Variants in MALRD1 observed in about 807,000 individuals in gnomAD.
MALRD1 encodes MAM and LDL-receptor class A domain-containing protein 1.
A neutral mutation model predicts 242.1 loss-of-function variants in MALRD1; 247 were observed. The observed-to-expected ratio is 1.02, with a 90% CI of 0.92 to 1.13. The LOEUF (loss-of-function observed/expected upper bound fraction) is 1.13, where lower values mean the gene tolerates loss of function less well. Among genes scored for constraint, MALRD1 ranks in the 50% most tolerant of loss-of-function variants. The probability of loss-of-function intolerance (pLI) is 0.00; values close to 1 mark genes in which losing one functional copy is unlikely to be tolerated. For missense variants in MALRD1, 2,989 were observed against 2,533.1 expected (o/e 1.18, Z -3.86); for synonymous variants, 995 against 866.6 (o/e 1.15, Z -2.60).
Position 19,429,504 on chromosome 10 carries a change from C to T in MALRD1, c.4846-20803C>T, listed in dbSNP as rs12250343. Among the ~76,000 whole-genome samples, 856 of 152,154 alleles carry T rather than the reference C, an allele frequency of 5.6e-3. 6 individuals are homozygous for T. The highest frequency in any genetic ancestry group is 0.018 in the African/African-American group (758 of 41,504). Reference sequence around the variant, plus strand: ...ACGTGAACCCGGGAGGTGGAGGTTGCGGTGAGCCGAGGCCATGCCATTGTA... The same window carrying T: ...ACGTGAACCCGGGAGGTGGAGGTTGTGGTGAGCCGAGGCCATGCCATTGTA... On this transcript the variant is annotated intron_variant, in intron 28 of 39. Coordinates refer to ENST00000454679, the MANE Select transcript of MALRD1 (RefSeq NM_001142308.3).
At chr10:19,507,781 T>C (rs949783907) in intron 31 of MALRD1, among the ~76,000 whole-genome samples, 1 of 152,208 alleles carries the variant, frequency 6.6e-6, no homozygotes, top group Admixed American at 6.5e-5. Flanking sequence ...GATGCTTCAA[T>C]CACCACATTG....
chr10:19,286,758 C>G (rs2496066), intron 21 of MALRD1, among the ~76,000 whole-genome samples: 42 of 150,176 alleles, frequency 2.8e-4, no homozygotes, highest in Non-Finnish European at 5.5e-4. Context: ...GGAACTGGTA[C>G]CATTCCTTCT....
chr10:19,054,573 C>T (rs994000278), intron 1 of MALRD1, among the ~76,000 whole-genome samples: 8 of 152,274 alleles, frequency 5.3e-5, no homozygotes, highest in Middle Eastern at 3.4e-3. Flanking sequence ...CGCCTATACC[C>T]CAGTGTCTGG....
At chr10:19,643,170 G>A (rs1164143741) in intron 36 of MALRD1, among the ~76,000 whole-genome samples, 3 of 152,052 alleles carry the variant, frequency 2.0e-5, no homozygotes, top group East Asian at 1.9e-4. Context: ...GGTGGCTCAC[G>A]CCTGTAATCC....
chr10:19,238,456 A>AATGTATATT, intron 18 of MALRD1, among the ~76,000 whole-genome samples: 502 of 42,452 alleles, frequency 0.012, 44 homozygotes, highest in Non-Finnish European at 0.014. Flanking sequence ...CATTATATAT[A>AATGTATATT]ATATATAATA....
chr10:19,391,302 C>G (rs1166776340), intron 28 of MALRD1, among the ~76,000 whole-genome samples: 3 of 152,080 alleles, frequency 2.0e-5, no homozygotes, highest in Non-Finnish European at 4.4e-5. Flanking sequence ...GAAGAAATCT[C>G]TCATAATATA....
intron 29 of MALRD1, among the ~76,000 whole-genome samples, chr10:19,453,602 C>A (rs1183974079): frequency 6.6e-6 from 1 of 152,104 alleles, no homozygotes; most frequent in East Asian, 1.9e-4. Context: ...TTAGGCCGGG[C>A]ACTGTGGCTC....
At chr10:19,316,476 C>CT (rs1291552469) in intron 21 of MALRD1, among the ~76,000 whole-genome samples, 1 of 151,782 alleles carries the variant, frequency 6.6e-6, no homozygotes, top group Admixed American at 6.6e-5. Flanking sequence ...ACAGAATGTT[C>CT]TTTTTTTCAT....
At chr10:19,275,195 A>C (rs1840450481) in intron 19 of MALRD1, among the ~76,000 whole-genome samples, 1 of 152,142 alleles carries the variant, frequency 6.6e-6, no homozygotes, top group Non-Finnish European at 1.5e-5. Context: ...TAATTTTCTT[A>C]ATTTATATGA....
intron 28 of MALRD1, among the ~76,000 whole-genome samples, chr10:19,437,500 TTTATTA>T (rs1259711574): frequency 4.6e-5 from 7 of 151,984 alleles, no homozygotes; most frequent in Non-Finnish European, 1.0e-4. Context: ...GAAATTGTCT[TTTATTA>T]TTATTATTAT....
intron 28 of MALRD1, among the ~76,000 whole-genome samples, chr10:19,447,965 G>T (rs1024790062): frequency 7.2e-5 from 11 of 152,060 alleles, no homozygotes; most frequent in African/African-American, 2.2e-4. Context: ...GGATGTTAAT[G>T]ATCTATCTAT....
intron 31 of MALRD1, among the ~76,000 whole-genome samples, chr10:19,502,133 G>A (rs763106090): frequency 1.3e-5 from 2 of 152,122 alleles, no homozygotes; most frequent in South Asian, 2.1e-4. Context: ...TGTGAAAAGC[G>A]TGGTGAATAT....
At chr10:19,393,763 G>T (rs1039615555) in intron 28 of MALRD1, among the ~76,000 whole-genome samples, 1 of 149,716 alleles carries the variant, frequency 6.7e-6, no homozygotes, top group African/African-American at 2.4e-5. Flanking sequence ...CCCTGATGGG[G>T]TTAATTAATG....
At chr10:19,315,626 T>G (rs1253308187) in intron 21 of MALRD1, among the ~76,000 whole-genome samples, 1 of 120,994 alleles carries the variant, frequency 8.3e-6, no homozygotes, top group Non-Finnish European at 1.6e-5. Flanking sequence ...ATATAAATTA[T>G]AAATATTATT....
At chr10:19,176,720 A>C (rs1352832736) in intron 14 of MALRD1, among the ~76,000 whole-genome samples, 1 of 151,986 alleles carries the variant, frequency 6.6e-6, no homozygotes, top group African/African-American at 2.4e-5. Context: ...CTTTATTCAG[A>C]ATGTGTATCC....
rs187044352 is a variant in MALRD1 at position 19,383,199 on chromosome 10, C to T, written c.4442-4329C>T. On this transcript the variant is annotated intron_variant, in intron 26 of 39. Coordinates refer to ENST00000454679, the MANE Select transcript of MALRD1 (RefSeq NM_001142308.3). ...AGGTAGCTTTTTGATCTGCAGTCCT[C>T]TCCCATCCTCCACCCTCAAGTAAGC... Among the ~76,000 whole-genome samples the T allele has an allele frequency of 2.1e-3, 316 of 152,220 alleles. 2 individuals are homozygous for T. The South Asian group carries it at 0.026, about 12-fold the overall frequency.
intron 2 of MALRD1, among the ~76,000 whole-genome samples, chr10:19,086,933 C>G (rs1361055640): frequency 1.3e-5 from 2 of 152,016 alleles, no homozygotes; most frequent in Non-Finnish European, 2.9e-5. Context: ...GCATACCCCC[C>G]AAGTCTGCTT....
chr10:19,290,654 A>G (rs1301143421), intron 21 of MALRD1, among the ~76,000 whole-genome samples: 1 of 152,192 alleles, frequency 6.6e-6, no homozygotes, highest in Non-Finnish European at 1.5e-5. Flanking sequence ...ATCTAGTATT[A>G]AATAAAATGA....
chr10:19,629,451 G>A (rs1445261718), intron 36 of MALRD1, among the ~76,000 whole-genome samples: 1 of 152,100 alleles, frequency 6.6e-6, no homozygotes, highest in African/African-American at 2.4e-5. Context: ...GAGAGAACAA[G>A]AAATAGCTGT....
Sources: gnomAD v4.1 joint callset for allele counts (sites outside exome capture counted in the v4.1 genomes callset) on GRCh38, gnomAD v4.1.1 for gene constraint, MANE v1.5 for transcripts, NCBI Gene and HGNC (gene_info 2026-07-23, HGNC 2026-07-21) for gene names.